Variants in EIF3E observed in about 807,000 individuals in gnomAD.
The protein encoded by EIF3E is eukaryotic translation initiation factor 3 subunit E, also known as eIF-3 p48.
In EIF3E, 25 loss-of-function variants were observed where a neutral mutation model predicts 59.3. The ratio of observed to expected loss-of-function variants is 0.42; its 90% CI spans 0.31 to 0.59. The LOEUF (loss-of-function observed/expected upper bound fraction) is 0.59. Ranked by LOEUF, EIF3E falls within the 20% of genes least tolerant of loss-of-function variation. The pLI is 0.15. For missense variants in EIF3E, 317 were observed against 534.3 expected (o/e 0.59, Z 4.01); for synonymous variants, 176 against 170.2 (o/e 1.03, Z -0.26).
At chr8:108,208,535 T>A (rs1031133295) in intron 10 of EIF3E, among the ~76,000 whole-genome samples, 1 of 152,138 alleles carries the variant, frequency 6.6e-6, no homozygotes. Flanking sequence ...ATCTTATAAA[T>A]AACTGAACCT....
chr8:108,234,971 A>C lies in EIF3E; in HGVS notation c.471+27T>G, dbSNP rs377084876. The C allele has an allele frequency of 1.1e-4, 157 of 1,410,074 alleles. 1 individual carries two copies. The African/African-American group carries it at 1.9e-3, about 17-fold the overall frequency. The allele number at this position is 1,410,074 out of a possible 1,614,324, so 87.3% of individuals were successfully genotyped here. ...AATCCTACAAAAGACAAAAAAAAAA[A>C]AAAAAAAAACATGTACTTATACTTA... is the stretch of plus-strand genomic sequence containing the variant. On this transcript the variant is annotated intron_variant, in intron 5 of 12. Coordinates refer to ENST00000220849, the MANE Select transcript of EIF3E (RefSeq NM_001568.3).
At chr8:108,217,223 C>A in intron 8 of EIF3E, 111 bp downstream of exon 8, 1 of 842,508 alleles carries the variant, frequency 1.2e-6, no homozygotes, top group Non-Finnish European at 1.7e-6. Context: ...TTCCTTCCAC[C>A]TATTTTTAAA....
At chr8:108,219,986 T>C in intron 7 of EIF3E, among the ~76,000 whole-genome samples, 1 of 151,844 alleles carries the variant, frequency 6.6e-6, no homozygotes, top group East Asian at 1.9e-4. Context: ...CTACTAAAAA[T>C]ACAAAAATTA....
chr8:108,241,354 A>C lies in EIF3E; in HGVS notation c.205+445T>G, dbSNP rs150571867. 1.8e-3 allele frequency among the ~76,000 whole-genome samples: 279 copies of C among 152,264 alleles called. 3 individuals carry two copies. Among genetic ancestry groups the C allele is most frequent in the African/African-American group, 6.6e-3 (276 of 41,554 alleles). On this transcript the variant is annotated intron_variant, in intron 2 of 12. Coordinates refer to ENST00000220849, the MANE Select transcript of EIF3E (RefSeq NM_001568.3). The stretch of plus-strand genomic sequence containing the variant: ...TGTGTGGCCAAAAACCTGCATTTCT[A>C]ACAAGCTCTCCCAGGTGAACTGATG...
chr8:108,239,847 A>G, intron 3 of EIF3E, 111 bp downstream of exon 3: 2 of 806,848 alleles, frequency 2.5e-6, no homozygotes, highest in Non-Finnish European at 4.2e-6. Context: ...TGAATAAAGC[A>G]CTCATTTAAA....
chr8:108,244,757 A>G (rs1030100051), intron 1 of EIF3E, among the ~76,000 whole-genome samples: 2 of 152,036 alleles, frequency 1.3e-5, no homozygotes, highest in African/African-American at 4.8e-5. Context: ...TGATTCTTTC[A>G]AACTAATTTC....
At chr8:108,233,088 T>C (rs1815654062) in intron 5 of EIF3E, among the ~76,000 whole-genome samples, 2 of 152,180 alleles carry the variant, frequency 1.3e-5, no homozygotes, top group Non-Finnish European at 2.9e-5. Flanking sequence ...GTAAAACTGA[T>C]GGAATTTTTT....
chr8:108,246,640 G>A (rs890038939), intron 1 of EIF3E, among the ~76,000 whole-genome samples: 3 of 151,962 alleles, frequency 2.0e-5, no homozygotes, highest in African/African-American at 7.3e-5. Context: ...TACACCAAGT[G>A]TGCCTGCCTT....
chr8:108,232,894 CT>C (rs2129905051), intron 5 of EIF3E, among the ~76,000 whole-genome samples: 1 of 152,142 alleles, frequency 6.6e-6, no homozygotes, highest in East Asian at 1.9e-4. Flanking sequence ...TGCTGGAACT[CT>C]AACATGACAC....
rs1436372206 is a variant in EIF3E, at chr8:108,201,860, T to C, written c.*25A>G. On this transcript the variant is annotated 3_prime_UTR_variant, in exon 13 of 13. Transcript: ENST00000220849. Reference sequence around the variant, plus strand: ...ATTTCATCTTTCTTTGATAGTTTTTTTTTTCATCTTTTCTTTATGGTTCTT... The same window carrying C: ...ATTTCATCTTTCTTTGATAGTTTTTCTTTTCATCTTTTCTTTATGGTTCTT... 6 of 1,494,902 alleles carry C rather than the reference T, an allele frequency of 4.0e-6. No homozygotes were observed. The East Asian group carries it at 7.1e-5, about 18-fold the overall frequency. 92.6% of individuals were successfully genotyped at this position (1,494,902 alleles called of 1,614,324 possible).
At chr8:108,244,601 C>A (rs1021260155) in intron 1 of EIF3E, among the ~76,000 whole-genome samples, 3 of 151,932 alleles carry the variant, frequency 2.0e-5, no homozygotes, top group Non-Finnish European at 2.9e-5. Flanking sequence ...AACTGATAAC[C>A]CCTTCCACCA....
At chr8:108,235,817 C>T (rs16877533) in intron 4 of EIF3E, among the ~76,000 whole-genome samples, 29,839 of 152,192 alleles carry the variant, frequency 0.2, 3,650 homozygotes, top group East Asian at 0.32. Context: ...TTGCCTTACT[C>T]GTTAATCCAT....
At position 108,203,095 on chromosome 8, in the gene EIF3E, T is replaced by A. The variant is rs781608198; in HGVS notation, c.1187A>T (p.Asn396Ile). The A allele has an allele frequency of 6.2e-7, 1 of 1,612,676 alleles. No homozygotes were observed. ...CACTTGCTGATAGGGTGAGACTGCA[T>A]TGTTACCCATAACCACATGACCCTA... ...SKLGHVVMGNNAVSPYQQVIE... is the reference protein window; with the variant it reads ...SKLGHVVMGNIAVSPYQQVIE... Residue 396 changes from asparagine to isoleucine, a missense_variant, in exon 12 of 13, where the codon AAT (asparagine) becomes ATT (isoleucine). Asn to Ile is a moderately radical substitution (Grantham distance 149, BLOSUM62 -3). Around this residue, in one of 4 missense-constraint regions of EIF3E, gnomAD observed 45 missense variants for 97.8 expected, o/e 0.46. Transcript: ENST00000220849.
intron 5 of EIF3E, 191 bp downstream of exon 5, chr8:108,234,807 G>A (rs1044371745): frequency 2.7e-6 from 1 of 368,930 alleles, no homozygotes; most frequent in Non-Finnish European, 4.8e-6. Context: ...TCCAAATTTT[G>A]AGGCCCTGAA....
chr8:108,240,582 T>C (rs967483482), intron 2 of EIF3E, among the ~76,000 whole-genome samples: 2 of 152,264 alleles, frequency 1.3e-5, no homozygotes, highest in Non-Finnish European at 1.5e-5. Context: ...AATCCAGCTC[T>C]ATAATCTCTC....
intron 3 of EIF3E, among the ~76,000 whole-genome samples, chr8:108,239,126 A>G (rs1432421140): frequency 6.6e-6 from 1 of 152,178 alleles, no homozygotes. Context: ...GGTTTCTCTT[A>G]TAACGAGATA....
At chr8:108,229,356 T>C in intron 5 of EIF3E, 161 bp from the exon 6 acceptor site, 3 of 615,652 alleles carry the variant, frequency 4.9e-6, no homozygotes, top group East Asian at 3.1e-5. Context: ...CTGGTTTGTT[T>C]CAAAAAACCT....
At chr8:108,243,689 C>T (rs951348668) in intron 1 of EIF3E, among the ~76,000 whole-genome samples, 4 of 139,512 alleles carry the variant, frequency 2.9e-5, no homozygotes, top group Non-Finnish European at 6.2e-5. Context: ...ATTTATTAAT[C>T]TGAGTGGTGG....
chr8:108,242,158 C>T, intron 1 of EIF3E: 1 of 1,375,660 alleles, frequency 7.3e-7, no homozygotes. Flanking sequence ...TTCCCACCTA[C>T]TTCTGATTTA....
Sources: allele counts gnomAD v4.1 joint callset (sites outside exome capture counted in the v4.1 genomes callset), GRCh38; gene constraint gnomAD v4.1.1; regional missense constraint gnomAD v4.1.1; transcripts MANE v1.5; gene names NCBI Gene and HGNC (gene_info 2026-07-23, HGNC 2026-07-21).